SAMD11: variants seen among roughly 807,000 people sequenced by gnomAD.
SAMD11 encodes the protein sterile alpha motif domain-containing protein 11.
Under a neutral mutation model 64.4 loss-of-function variants are expected in SAMD11, and 77 were observed. The ratio of observed to expected loss-of-function variants is 1.20; its 90% CI spans 0.99 to 1.44. SAMD11 has a LOEUF of 1.44. SAMD11 is among the 40% of genes most tolerant of loss of function. The pLI, the probability that SAMD11 is intolerant of heterozygous loss-of-function variation, is 0.00. For synonymous variants in SAMD11, 658 were observed against 421.9 expected (o/e 1.56, Z -6.86); for missense variants, 1,402 against 943.3 (o/e 1.49, Z -6.37).
intron 2 of SAMD11, among the ~76,000 whole-genome samples, chr1:927,008 GA>G (rs534606253): frequency 0.013 from 1,942 of 152,282 alleles, 24 homozygotes; most frequent in Non-Finnish European, 0.017. Flanking sequence ...CGTAGCCAGG[GA>G]GCTGGGCGGC....
chr1:941,591 C>T (rs1641769442), intron 8 of SAMD11, among the ~76,000 whole-genome samples: 1 of 152,036 alleles, frequency 6.6e-6, no homozygotes, highest in Non-Finnish European at 1.5e-5. Flanking sequence ...GAGGGGTCGG[C>T]CAGAGGACTC....
At chr1:926,918 G>A (rs967501507) in intron 2 of SAMD11, among the ~76,000 whole-genome samples, 1 of 152,104 alleles carries the variant, frequency 6.6e-6, no homozygotes, top group East Asian at 1.9e-4. Flanking sequence ...TGAGGGTCCC[G>A]GGCGTACCTC....
intron 8 of SAMD11, among the ~76,000 whole-genome samples, 188 bp from the exon 9 acceptor site, chr1:941,948 C>CGCGCCGCCGCCGAGATTAATTG (rs1553160180): frequency 2.0e-5 from 3 of 152,038 alleles, no homozygotes; most frequent in Non-Finnish European, 4.4e-5. Flanking sequence ...TCAGCGCCTC[C>CGCGCCGCCGCCGAGATTAATTG]GCGCCGCCGC....
chr1:944,118 C>G lies in SAMD11; in HGVS notation c.2500C>G (p.Pro834Ala). 6.2e-7 allele frequency: 1 copy of G among 1,600,430 alleles called. No individual in the cohort carries two copies. Among genetic ancestry groups the G allele is most frequent in the African/African-American group, 1.3e-5 (1 of 74,764 alleles). ...KQENGTLALL[P>A]GAPDPSQPLC Reference sequence around the variant, plus strand: ...GGAGAATGGGACCTTGGCTCTACTTCCAGGGGCCCCCGACCCTTCCCAGCC... The same window carrying G: ...GGAGAATGGGACCTTGGCTCTACTTGCAGGGGCCCCCGACCCTTCCCAGCC... The change falls in exon 14 of 14, where the codon CCA becomes GCA. Residue 834 changes from proline to alanine, a missense_variant. Coordinates refer to ENST00000616016, the MANE Select transcript of SAMD11 (RefSeq NM_001385641.1).
At chr1:928,218 C>CT (rs1249717471) in intron 2 of SAMD11, among the ~76,000 whole-genome samples, 12 of 152,130 alleles carry the variant, frequency 7.9e-5, no homozygotes, top group Admixed American at 4.6e-4. Context: ...ACGGTGAAAC[C>CT]CGTCTCTACT....
chr1:943,526 CTTTTTTTTTTTTT>C, intron 12 of SAMD11, 149 bp downstream of exon 12: 2 of 549,568 alleles, frequency 3.6e-6, no homozygotes, highest in Non-Finnish European at 5.7e-6. Context: ...TGCACCCCAC[CTTTTTTTTTTTTT>C]TTTTTTTTTG....
intron 4 of SAMD11, among the ~76,000 whole-genome samples, chr1:935,137 G>A (rs1054743657): frequency 1.3e-5 from 2 of 152,110 alleles, no homozygotes; most frequent in African/African-American, 2.4e-5. Flanking sequence ...AGCAAGAAGA[G>A]GAGAAATGAG....
rs543815304 is a variant in SAMD11, at chr1:929,262, G to T, written c.610-893G>T. Reference sequence around the variant, plus strand: ...CTGTGCTCTGCAGGGACCACAGCGGGCGTGTCTGTGCTCCCACCCGAGGCA... The same window carrying T: ...CTGTGCTCTGCAGGGACCACAGCGGTCGTGTCTGTGCTCCCACCCGAGGCA... On this transcript the variant is annotated intron_variant, in intron 2 of 13. Coordinates refer to ENST00000616016, the MANE Select transcript of SAMD11 (RefSeq NM_001385641.1). 5.9e-5 allele frequency among the ~76,000 whole-genome samples: 9 copies of T among 152,334 alleles called. No individual in the cohort carries two copies. In the South Asian group the frequency reaches 1.9e-3, roughly 32 times the overall value.
At chr1:942,356 C>T in intron 9 of SAMD11, 54 bp from the exon 10 acceptor site, 2 of 1,206,150 alleles carry the variant, frequency 1.7e-6, no homozygotes, top group South Asian at 1.6e-5. Context: ...TTGCAAAGGG[C>T]CGGCTCGGAC....
Position 942,265 on chromosome 1 carries a change from TGC to T in SAMD11, c.1474+17_1474+18del, listed in dbSNP as rs1024943453. ...GCCAGACCCCAGGTGAGGAGGCGGG[TGC>T]GCATCCCCTGGGAGCCCGCGTGGAG... On this transcript the variant is annotated intron_variant, in intron 9 of 13. Coordinates refer to ENST00000616016, the MANE Select transcript of SAMD11 (RefSeq NM_001385641.1). 1.8e-6 allele frequency: 2 copies of T among 1,109,734 alleles called. No homozygotes were observed. Among genetic ancestry groups the T allele is most frequent in the Non-Finnish European group, 2.4e-6 (2 of 833,548 alleles). The allele number at this position is 1,109,734 out of a possible 1,614,324, so 68.7% of individuals were successfully genotyped here. A position where few individuals can be genotyped will look rare whatever the true frequency, so the allele number is the denominator to read the frequency against.
chr1:935,823 C>T lies in SAMD11; in HGVS notation c.894C>T (p.His298=), dbSNP rs963613942. The stretch of plus-strand genomic sequence containing the variant: ...TATCCAGCGTCCACCGCAGCCGCCA[C>T]CTCGTTATGCCCGAGCATCAGAGCC... ...TLISSVHRSR[H]LVMPEHQSRC... Residue 298 remains histidine (H), a synonymous_variant, in exon 5 of 14, where the codon CAC becomes CAT. Coordinates refer to ENST00000616016, the MANE Select transcript of SAMD11 (RefSeq NM_001385641.1). 22 of 1,613,384 alleles carry T rather than the reference C, an allele frequency of 1.4e-5. No homozygotes were observed. The highest frequency in any genetic ancestry group is 1.4e-5 in the Non-Finnish European group (16 of 1,179,918).
chr1:931,685 A>T (rs748725676), intron 4 of SAMD11, among the ~76,000 whole-genome samples: 5 of 152,200 alleles, frequency 3.3e-5, no homozygotes, highest in Non-Finnish European at 5.9e-5. Flanking sequence ...CAGGGCAGTG[A>T]CCAGGTGTAT....
intron 2 of SAMD11, among the ~76,000 whole-genome samples, chr1:926,707 A>AC (rs1310185788): frequency 6.6e-6 from 1 of 151,810 alleles, no homozygotes; most frequent in Admixed American, 6.6e-5. Flanking sequence ...AGGCACCTGC[A>AC]CCCCCTACCC....
chr1:943,982 G>A lies in SAMD11; in HGVS notation c.2364G>A (p.Leu788=). The A allele has an allele frequency of 1.9e-6, 3 of 1,612,788 alleles. No individual in the cohort carries two copies. Among genetic ancestry groups the A allele is most frequent in the Non-Finnish European group, 2.5e-6 (3 of 1,179,976 alleles). The change falls in exon 14 of 14, where the codon CTG becomes CTA. Residue 788 remains leucine (L), a synonymous_variant. Transcript: ENST00000616016. The part of the protein sequence containing the change: ...PVALPLQPPT[L]RAPERELGTG... The stretch of plus-strand genomic sequence containing the variant: ...CTCTGCCACTGCAGCCACCAACCCT[G>A]CGGGCCCCGGAGCGAGAACTCGGCA...
Position 942,268 on chromosome 1 carries a change from G to A in SAMD11, c.1474+17G>A, listed in dbSNP as rs1419202876. 4 of 1,084,918 alleles carry A rather than the reference G, an allele frequency of 3.7e-6. No individual in the cohort carries two copies. The highest frequency in any genetic ancestry group is 2.0e-5 in the South Asian group (1 of 48,896). 67.2% of individuals were successfully genotyped at this position (1,084,918 alleles called of 1,614,324 possible). A position where few individuals can be genotyped will look rare whatever the true frequency, so the allele number is the denominator to read the frequency against. ...AGACCCCAGGTGAGGAGGCGGGTGC[G>A]CATCCCCTGGGAGCCCGCGTGGAGG... On this transcript the variant is annotated intron_variant, in intron 9 of 13. Coordinates refer to ENST00000616016, the MANE Select transcript of SAMD11 (RefSeq NM_001385641.1).
At chr1:925,576 C>T (rs28632468) in intron 1 of SAMD11, among the ~76,000 whole-genome samples, 2 of 152,100 alleles carry the variant, frequency 1.3e-5, no homozygotes, top group Non-Finnish European at 2.9e-5. Context: ...CCGAGGGTCC[C>T]GACGGCGCCG....
Position 939,336 on chromosome 1 carries a change from G to T in SAMD11, c.1119G>T (p.Arg373=), listed in dbSNP as rs1641624502. ...TGGCCCCGGAGGACCATTACCGCCG[G>T]CTTGTGTCAGCACTGAGCGAGGCCA... ...PSMAPEDHYR[R]LVSALSEAST... is the part of the protein sequence containing the mutation. The change falls in exon 7 of 14, where the codon CGG becomes CGT. Residue 373 remains arginine, a synonymous_variant. Transcript: ENST00000616016. 1 of 1,612,032 alleles carries T rather than the reference G, an allele frequency of 6.2e-7. No homozygotes were observed. Among genetic ancestry groups the T allele is most frequent in the African/African-American group, 1.3e-5 (1 of 74,740 alleles).
intron 2 of SAMD11, among the ~76,000 whole-genome samples, chr1:927,142 G>A (rs767187884): frequency 2.6e-5 from 4 of 152,174 alleles, no homozygotes; most frequent in East Asian, 3.9e-4. Flanking sequence ...GGACCTGCAC[G>A]CACAGGCAGG....
intron 4 of SAMD11, among the ~76,000 whole-genome samples, chr1:933,867 C>T (rs1302788355): frequency 6.7e-6 from 1 of 149,230 alleles, no homozygotes; most frequent in Admixed American, 6.6e-5. Context: ...TTAGGGGCAG[C>T]CTTGGATTAG....
Sources: gnomAD v4.1 joint callset for allele counts (sites outside exome capture counted in the v4.1 genomes callset) on GRCh38, gnomAD v4.1.1 for gene constraint, MANE v1.5 for transcripts, NCBI Gene and HGNC (gene_info 2026-07-23, HGNC 2026-07-21) for gene names.